Variants in KHDRBS2 observed in about 807,000 individuals in gnomAD.
KHDRBS2 encodes the protein KH domain-containing, RNA-binding, signal transduction-associated protein 2.
KHDRBS2 carries 26 observed loss-of-function variants against 44.3 expected under a neutral mutation model. That is an observed-to-expected ratio of 0.59 (90% CI 0.43 to 0.81). The LOEUF (loss-of-function observed/expected upper bound fraction) is 0.81. Among genes scored for constraint, KHDRBS2 ranks in the 40% least tolerant of loss-of-function variants. The probability of loss-of-function intolerance (pLI) is 0.00; values close to 1 mark genes in which losing one functional copy is unlikely to be tolerated. For missense variants in KHDRBS2, 476 were observed against 433.1 expected (o/e 1.10, Z -0.88); for synonymous variants, 194 against 151.1 (o/e 1.28, Z -2.08).
chr6:61,880,598 A>G (rs1366434337), intron 6 of KHDRBS2, among the ~76,000 whole-genome samples: 1 of 151,946 alleles, frequency 6.6e-6, no homozygotes, highest in Non-Finnish European at 1.5e-5. Flanking sequence ...TTTGGAATAT[A>G]AAACAGACAC....
chr6:61,901,516 A>C, intron 4 of KHDRBS2, 145 bp from the exon 5 acceptor site: 1 of 638,290 alleles, frequency 1.6e-6, no homozygotes, highest in South Asian at 2.2e-5. Flanking sequence ...AAAATATAAA[A>C]TGATATTAAA....
the KHDRBS2 span, among the ~76,000 whole-genome samples, chr6:61,563,324 G>C: frequency 2.0e-5 from 3 of 152,026 alleles, no homozygotes; most frequent in Non-Finnish European, 2.9e-5. Flanking sequence ...CTTTCAGTAA[G>C]AATGTATTTG....
chr6:61,775,178 C>G lies in KHDRBS2; in HGVS notation c.811-42414G>C, dbSNP rs555153036. Among the ~76,000 whole-genome samples the G allele has an allele frequency of 3.3e-5, 5 of 152,184 alleles. No homozygotes were observed. The South Asian group carries it at 1.0e-3, about 32-fold the overall frequency. ...GAGCTATCTATGACAAACCCACAGCCAATATCATACTGAATGGGCAAAAAC... is the reference window on the plus strand; with the variant it reads ...GAGCTATCTATGACAAACCCACAGCGAATATCATACTGAATGGGCAAAAAC... On this transcript the variant is annotated intron_variant, in intron 6 of 8. Transcript: ENST00000281156.
At chr6:61,803,387 G>C (rs1786602969) in intron 6 of KHDRBS2, among the ~76,000 whole-genome samples, 1 of 152,142 alleles carries the variant, frequency 6.6e-6, no homozygotes, top group Non-Finnish European at 1.5e-5. Flanking sequence ...CCCTGCAGCT[G>C]TGTGTTGAAA....
At chr6:62,250,332 ACTGAT>A (rs550137959) in intron 1 of KHDRBS2, among the ~76,000 whole-genome samples, 5 of 152,146 alleles carry the variant, frequency 3.3e-5, no homozygotes, top group Admixed American at 1.3e-4. Flanking sequence ...ACTCGCTTTG[ACTGAT>A]CTAAGTTAAA....
chr6:62,039,439 G>C (rs1430633466), intron 3 of KHDRBS2, among the ~76,000 whole-genome samples: 2 of 151,744 alleles, frequency 1.3e-5, no homozygotes, highest in African/African-American at 4.8e-5. Flanking sequence ...TAAATAATAT[G>C]TATGTGGTAC....
intron 4 of KHDRBS2, among the ~76,000 whole-genome samples, chr6:61,914,347 C>T (rs529468845): frequency 5.3e-5 from 8 of 152,182 alleles, no homozygotes; most frequent in East Asian, 1.9e-4. Context: ...TGTGGGCTTC[C>T]CTCTTCTCTA....
At chr6:62,237,752 A>T (rs1049186649) in intron 1 of KHDRBS2, among the ~76,000 whole-genome samples, 6 of 152,168 alleles carry the variant, frequency 3.9e-5, no homozygotes, top group African/African-American at 1.4e-4. Flanking sequence ...ATCAAGAAAA[A>T]TATTGAGGCC....
intron 2 of KHDRBS2, among the ~76,000 whole-genome samples, chr6:62,081,081 C>T (rs1797302121): frequency 6.6e-6 from 1 of 152,032 alleles, no homozygotes; most frequent in South Asian, 2.1e-4. Context: ...AAATCACCAC[C>T]TTTGAATGTG....
intron 7 of KHDRBS2, among the ~76,000 whole-genome samples, chr6:61,725,651 G>A (rs1773430882): frequency 6.6e-6 from 1 of 152,078 alleles, no homozygotes; most frequent in African/African-American, 2.4e-5. Context: ...GACCATCAGA[G>A]AATACTATAA....
At chr6:62,044,675 G>A (rs1787285763) in intron 3 of KHDRBS2, among the ~76,000 whole-genome samples, 1 of 151,856 alleles carries the variant, frequency 6.6e-6, no homozygotes, top group African/African-American at 2.4e-5. Flanking sequence ...GAAGAGTGCC[G>A]ACCCAGGCTT....
intron 5 of KHDRBS2, among the ~76,000 whole-genome samples, chr6:61,899,397 T>C (rs575812484): frequency 1.3e-5 from 2 of 152,028 alleles, no homozygotes; most frequent in South Asian, 2.1e-4. Flanking sequence ...CAGTACAGCA[T>C]TGGAAGTGAA....
rs200967840 is a variant in KHDRBS2 at position 62,239,625 on chromosome 6, GA to G, written c.91+46232del. On this transcript the variant is annotated intron_variant, in intron 1 of 8. Transcript: ENST00000281156. ...TAAAGTACAAGTGTGCTTTTGGGGGGAAAAAAAGGGGCATACTGTCAGTTTA... is the reference window on the plus strand; with the variant it reads ...TAAAGTACAAGTGTGCTTTTGGGGGGAAAAAAGGGGCATACTGTCAGTTTA... Among the ~76,000 whole-genome samples the G allele has an allele frequency of 2.9e-3, 435 of 151,558 alleles. 3 individuals carry two copies. Among genetic ancestry groups the G allele is most frequent in the African/African-American group, 8.6e-3 (356 of 41,394 alleles).
chr6:61,970,237 A>G (rs1244106986), intron 4 of KHDRBS2, among the ~76,000 whole-genome samples: 1 of 151,884 alleles, frequency 6.6e-6, no homozygotes, highest in Non-Finnish European at 1.5e-5. Context: ...TTGAACTCCC[A>G]TGTTACTTGA....
intron 2 of KHDRBS2, among the ~76,000 whole-genome samples, chr6:62,128,469 TACAGG>T (rs545671073): frequency 5.5e-4 from 83 of 152,188 alleles, no homozygotes; most frequent in African/African-American, 1.6e-3. Flanking sequence ...TTACTGGAAA[TACAGG>T]AAAGGTAACT....
At chr6:61,790,630 A>G (rs188039629) in intron 6 of KHDRBS2, among the ~76,000 whole-genome samples, 1 of 151,684 alleles carries the variant, frequency 6.6e-6, no homozygotes, top group African/African-American at 2.4e-5. Context: ...GGATAAATCT[A>G]ACTTTTACAT....
chr6:62,027,010 TC>T (rs1214794079), intron 3 of KHDRBS2, among the ~76,000 whole-genome samples: 1 of 150,632 alleles, frequency 6.6e-6, no homozygotes, highest in Non-Finnish European at 1.5e-5. Flanking sequence ...AATTCTTATT[TC>T]CTTTTTTTTT....
At chr6:62,092,171 C>A (rs1799613365) in intron 2 of KHDRBS2, among the ~76,000 whole-genome samples, 2 of 151,780 alleles carry the variant, frequency 1.3e-5, no homozygotes, top group African/African-American at 2.4e-5. Context: ...CCATTTCCAG[C>A]AACCTGAGAC....
At chr6:61,683,566 G>T (rs972069838) in intron 8 of KHDRBS2, among the ~76,000 whole-genome samples, 2 of 151,734 alleles carry the variant, frequency 1.3e-5, no homozygotes, top group African/African-American at 2.4e-5. Context: ...TTGAGCTAAA[G>T]AAATTTAACA....
Sources: allele counts gnomAD v4.1 joint callset (sites outside exome capture counted in the v4.1 genomes callset), GRCh38; gene constraint gnomAD v4.1.1; transcripts MANE v1.5; gene names NCBI Gene and HGNC (gene_info 2026-07-23, HGNC 2026-07-21).